The following HHATL variants were observed in gnomAD, a reference collection of about 807,000 sequenced individuals.
HHATL encodes the protein hedgehog acyltransferase like, also known as protein-cysteine N-palmitoyltransferase HHAT-like protein.
HHATL carries 49 observed loss-of-function variants against 59.7 expected under a neutral mutation model. The ratio of observed to expected loss-of-function variants is 0.82; its 90% CI spans 0.65 to 1.04. The LOEUF (loss-of-function observed/expected upper bound fraction) is 1.04. HHATL is among the 50% of genes least tolerant of loss of function. The pLI, the probability that HHATL is intolerant of heterozygous loss-of-function variation, is 0.00. For synonymous variants in HHATL, 238 were observed against 257.3 expected, an observed-to-expected ratio of 0.93 and a Z score of 0.72; for missense variants, 605 against 650.8, an observed-to-expected ratio of 0.93 and a Z score of 0.77.
chr3:42,693,978 T>G lies in HHATL; in HGVS notation c.1047-160A>C, dbSNP rs542532952. 4.8e-6 allele frequency: 3 copies of G among 629,698 alleles called. No homozygotes were observed. In the South Asian group the frequency reaches 5.5e-5, roughly 12 times the overall value. The allele number at this position is 629,698 out of a possible 1,614,324, so 39.0% of individuals were successfully genotyped here. A position where few individuals can be genotyped will look rare whatever the true frequency, so the allele number is the denominator to read the frequency against. On this transcript the variant is annotated intron_variant, in intron 9 of 11. Transcript: ENST00000441594. ...AGCTCCTCCTCCAACCAACTTCAAA[T>G]TGTGGCAGGCTCAGCCTGGGACATT...
chr3:42,700,355 G>A (rs1460085942), intron 2 of HHATL, among the ~76,000 whole-genome samples: 2 of 121,922 alleles, frequency 1.6e-5, no homozygotes, highest in East Asian at 4.8e-4. Context: ...TCTGGGTCTA[G>A]GTCTCTGTGT....
rs1697847326 is a variant in HHATL, at chr3:42,699,677, C to G, written c.174+81G>C. ...AGGCCCCAGAGCTGTGAGAAGCTCT[C>G]TGTTACTTGCCAACATCTGGAACAG... is the stretch of plus-strand genomic sequence containing the variant. On this transcript the variant is annotated intron_variant, in intron 3 of 11. Transcript: ENST00000441594. 7.2e-6 allele frequency: 9 copies of G among 1,247,690 alleles called. No homozygotes were observed. The East Asian group carries it at 2.3e-4, about 32-fold the overall frequency. The allele number at this position is 1,247,690 out of a possible 1,614,324, so 77.3% of individuals were successfully genotyped here.
chr3:42,700,101 G>A (rs1005080723), intron 2 of HHATL, among the ~76,000 whole-genome samples: 12 of 105,734 alleles, frequency 1.1e-4, no homozygotes, highest in Admixed American at 3.6e-4. Flanking sequence ...TGTGTGTGTC[G>A]GGATGTGTGT....
At position 42,697,478 on chromosome 3, in the gene HHATL, C is replaced by A. The variant is rs879008418; in HGVS notation, c.865+30G>T. 1.9e-6 allele frequency: 3 copies of A among 1,601,700 alleles called. No homozygotes were observed. In the South Asian group the frequency reaches 3.3e-5, roughly 18 times the overall value. On this transcript the variant is annotated intron_variant, in intron 7 of 11. Coordinates refer to ENST00000441594, the MANE Select transcript of HHATL (RefSeq NM_020707.4). ...GGGTCTGTTTTCCTGGGGCGGCAGC[C>A]CTGCCCCCATTTCTCTTCTGTGGAC... is the stretch of plus-strand genomic sequence containing the variant.
At position 42,697,061 on chromosome 3, in the gene HHATL, T is replaced by G. The variant is rs1242859213; in HGVS notation, c.950A>C (p.Asp317Ala). The G allele has an allele frequency of 6.3e-7, 1 of 1,590,630 alleles. No homozygotes were observed. Among genetic ancestry groups the G allele is most frequent in the African/African-American group, 1.3e-5 (1 of 74,648 alleles). Residue 317 changes from aspartate (D) to alanine (A), a missense_variant, in exon 8 of 12, where the codon GAC (aspartate) becomes GCC (alanine). Transcript: ENST00000441594. ...FGVVNTVACL[D>A]HLDPPQPPKC... is the part of the protein sequence containing the mutation. The stretch of plus-strand genomic sequence containing the variant: ...GGGAGGCTGGGGTGGGTCCAGGTGG[T>G]CGAGGCATGCCACAGTGTTGACAAC...
rs866609622 is a variant in HHATL, at chr3:42,700,784, A to G, written c.43T>C (p.Tyr15His). The G allele has an allele frequency of 6.2e-7, 1 of 1,613,912 alleles. No homozygotes were observed. Among genetic ancestry groups the G allele is most frequent in the South Asian group, 1.1e-5 (1 of 91,084 alleles). ...AGGGCCCCACTCAGCACCAGAGAGT[A>G]GAGGCCCAGCTCAGCCGCCGGCAAT... ...TALPAAELGL[Y>H]SLVLSGALAY... The change falls in exon 2 of 12, where the codon TAC becomes CAC. Residue 15 changes from tyrosine to histidine, a missense_variant. Tyr to His is a moderately conservative substitution (Grantham distance 83). Transcript: ENST00000441594.
At chr3:42,697,269 T>A in intron 7 of HHATL, 124 bp from the exon 8 acceptor site, 2 of 1,281,270 alleles carry the variant, frequency 1.6e-6, no homozygotes, top group Non-Finnish European at 1.1e-6. Context: ...GACCCCCCCA[T>A]ATTGTGGAAA....
intron 11 of HHATL, 88 bp downstream of exon 11, chr3:42,692,989 A>G: frequency 6.3e-7 from 1 of 1,588,228 alleles, no homozygotes; most frequent in Non-Finnish European, 8.6e-7. Flanking sequence ...CCCAGGGGTG[A>G]TGAGGGAGAT....
chr3:42,695,133 C>A (rs924996957), intron 9 of HHATL, among the ~76,000 whole-genome samples: 1 of 152,182 alleles, frequency 6.6e-6, no homozygotes, highest in Non-Finnish European at 1.5e-5. Flanking sequence ...TCCACTCCAC[C>A]TCAGCCACCC....
rs1188395598 is a variant in HHATL, at chr3:42,699,156, C to G, written c.175-11G>C. On this transcript the variant is annotated splice_polypyrimidine_tract_variant and intron_variant, in intron 3 of 11. Transcript: ENST00000441594. ...GAAGTCAGCCACATCCTGGGGCAGT[C>G]CGGGGCAGAAGGAGGTGGGGCAGGT... 1 of 1,609,108 alleles carries G rather than the reference C, an allele frequency of 6.2e-7. No individual in the cohort carries two copies. Among genetic ancestry groups the G allele is most frequent in the African/African-American group, 1.3e-5 (1 of 74,766 alleles).
chr3:42,697,730 C>A, intron 6 of HHATL, 51 bp from the exon 7 acceptor site: 2 of 1,577,280 alleles, frequency 1.3e-6, no homozygotes, highest in South Asian at 1.1e-5. Flanking sequence ...GCCTGGGGAG[C>A]CCTGTCTGAG....
rs1697929178 is a variant in HHATL at position 42,700,703 on chromosome 3, C to G, written c.106+18G>C. 2 of 1,578,090 alleles carry G rather than the reference C, an allele frequency of 1.3e-6. No homozygotes were observed. Among genetic ancestry groups the G allele is most frequent in the African/African-American group, 1.3e-5 (1 of 74,088 alleles). ...GGAAGAAGGGTCCTGTCCACCTGCC[C>G]CGGGGCACAGCCATTACCTTGTGAA... On this transcript the variant is annotated intron_variant, in intron 2 of 11. Coordinates refer to ENST00000441594, the MANE Select transcript of HHATL (RefSeq NM_020707.4).
chr3:42,693,879 A>G, intron 9 of HHATL, 61 bp from the exon 10 acceptor site: 1 of 1,413,574 alleles, frequency 7.1e-7, no homozygotes, highest in Non-Finnish European at 1.0e-6. Context: ...ATGAGATGGG[A>G]GAGGACACAC....
Position 42,698,732 on chromosome 3 carries a change from C to A in HHATL, c.459G>T (p.Lys153Asn). The change falls in exon 5 of 12, where the codon AAG (lysine) becomes AAT (asparagine). Residue 153 changes from lysine (K) to asparagine (N), a missense_variant. By Grantham distance (94) the Lys-to-Asn change is moderately conservative (BLOSUM62 0). Transcript: ENST00000441594. ...GLGLASLASFKMDPLISWQSG... is the reference protein window; with the variant it reads ...GLGLASLASFNMDPLISWQSG... ...CCTGCCAAGAGATTAGGGGGTCCAT[C>A]TTGAAGGAGGCCAGGCTGGCCAAGC... 1 of 1,586,730 alleles carries A rather than the reference C, an allele frequency of 6.3e-7. No individual in the cohort carries two copies. Among genetic ancestry groups the A allele is most frequent in the Non-Finnish European group, 8.5e-7 (1 of 1,169,904 alleles).
chr3:42,698,205 G>A lies in HHATL; in HGVS notation c.630C>T (p.Tyr210=). 3 of 1,614,242 alleles carry A rather than the reference G, an allele frequency of 1.9e-6. No individual in the cohort carries two copies. The highest frequency in any genetic ancestry group is 1.7e-6 in the Non-Finnish European group (2 of 1,180,038). Reference sequence around the variant, plus strand: ...AGAAGAAGAAGGGCAGGTAGAAGTTGTACTTGAGCAGGTCAGCTAAGGAGT... The same window carrying A: ...AGAAGAAGAAGGGCAGGTAGAAGTTATACTTGAGCAGGTCAGCTAAGGAGT... The part of the protein sequence containing the change: ...RHYSLADLLK[Y]NFYLPFFFFG... Residue 210 remains tyrosine, a synonymous_variant, in exon 6 of 12, where the codon TAC becomes TAT. Coordinates refer to ENST00000441594, the MANE Select transcript of HHATL (RefSeq NM_020707.4).
At chr3:42,693,890 A>T in intron 9 of HHATL, 72 bp from the exon 10 acceptor site, 1 of 1,264,220 alleles carries the variant, frequency 7.9e-7, no homozygotes, top group South Asian at 1.2e-5. Flanking sequence ...GAGGACACAC[A>T]ACAGGGCGTC....
rs1458507430 is a variant in HHATL, at chr3:42,699,079, A to T, written c.241T>A (p.Ser81Thr). Residue 81 changes from serine to threonine, a missense_variant, in exon 4 of 12, where the codon TCC becomes ACC. Ser to Thr is a moderately conservative substitution (Grantham distance 58). Coordinates refer to ENST00000441594, the MANE Select transcript of HHATL (RefSeq NM_020707.4). Reference sequence around the variant, plus strand: ...AGTTTAGCAAACAGCACATGTCCGGAGAGGGCAAAGATGATGACGTTGCGA... The same window carrying T: ...AGTTTAGCAAACAGCACATGTCCGGTGAGGGCAAAGATGATGACGTTGCGA... ...SFRNVIIFAL[S>T]GHVLFAKLCT... is the part of the protein sequence containing the mutation. The T allele has an allele frequency of 3.1e-6, 5 of 1,614,108 alleles. No individual in the cohort carries two copies. In the South Asian group the frequency reaches 5.5e-5, roughly 18 times the overall value.
chr3:42,701,711 C>T lies in HHATL; in HGVS notation c.-14+868G>A, dbSNP rs914417128. On this transcript the variant is annotated intron_variant, in intron 1 of 11. Coordinates refer to ENST00000441594, the MANE Select transcript of HHATL (RefSeq NM_020707.4). This position sits in a 1 kb window ranked among gnomAD's most constrained non-coding sequence, Gnocchi z 5.1. ...CTTGTCCCCTGGAGAACTGCTGGGC[C>T]GTACTACGGCTCAGCTAGCACCTTT... 6.6e-6 allele frequency among the ~76,000 whole-genome samples: 1 copy of T among 152,208 alleles called. No homozygotes were observed. Among genetic ancestry groups the T allele is most frequent in the Non-Finnish European group, 1.5e-5 (1 of 68,038 alleles).
intron 1 of HHATL, 149 bp downstream of exon 1, chr3:42,702,430 G>C (rs998897979): frequency 6.6e-6 from 1 of 152,382 alleles, no homozygotes; most frequent in Non-Finnish European, 1.5e-5. Context: ...CTGTGGACAC[G>C]GGGGCATACC....
Sources: allele counts gnomAD v4.1 joint callset (sites outside exome capture counted in the v4.1 genomes callset), GRCh38; gene constraint gnomAD v4.1.1; non-coding constraint Gnocchi (gnomAD v3.1); transcripts MANE v1.5; gene names NCBI Gene and HGNC (gene_info 2026-07-23, HGNC 2026-07-21).